CDH4: variants seen among roughly 807,000 people sequenced by gnomAD.
CDH4 encodes the protein cadherin 4.
A neutral mutation model predicts 86.0 loss-of-function variants in CDH4; 33 were observed. The observed-to-expected ratio is 0.38, with a 90% CI of 0.29 to 0.51. The LOEUF is 0.51. CDH4 is among the 20% of genes least tolerant of loss of function. The probability of loss-of-function intolerance (pLI) is 0.86; values close to 1 mark genes in which losing one functional copy is unlikely to be tolerated. For synonymous variants in CDH4, 555 were observed against 549.4 expected (o/e 1.01, Z -0.14); for missense variants, 1,114 against 1,307.4 (o/e 0.85, Z 2.28).
chr20:61,504,771 C>G (rs1477391388), intron 2 of CDH4, among the ~76,000 whole-genome samples: 2 of 152,214 alleles, frequency 1.3e-5, no homozygotes, highest in Admixed American at 1.3e-4. Context: ...TACATGGACT[C>G]TTTCCTGATG....
chr20:61,447,323 A>AT (rs71331923), intron 2 of CDH4, among the ~76,000 whole-genome samples: 22,640 of 110,940 alleles, frequency 0.2, 2,620 homozygotes, highest in East Asian at 0.45. Flanking sequence ...CGCCCAGCTG[A>AT]TTTTTTTTTT....
At chr20:61,386,320 CCA>C in intron 2 of CDH4, among the ~76,000 whole-genome samples, 1 of 152,104 alleles carries the variant, frequency 6.6e-6, no homozygotes, top group Non-Finnish European at 1.5e-5. Context: ...ACAGTGCTGC[CCA>C]GGATGACACC....
At chr20:61,798,575 T>C (rs1600999840) in intron 4 of CDH4, among the ~76,000 whole-genome samples, 1 of 152,318 alleles carries the variant, frequency 6.6e-6, no homozygotes, top group East Asian at 1.9e-4. Flanking sequence ...ACCTGAGTGT[T>C]AGACTGGCCA....
At chr20:61,470,961 C>T (rs2085498633) in intron 2 of CDH4, among the ~76,000 whole-genome samples, 2 of 151,984 alleles carry the variant, frequency 1.3e-5, no homozygotes, top group African/African-American at 4.8e-5. Context: ...AGGATTTTTG[C>T]ATTAATATTC....
At chr20:61,464,123 G>T (rs920648254) in intron 2 of CDH4, among the ~76,000 whole-genome samples, 1 of 152,148 alleles carries the variant, frequency 6.6e-6, no homozygotes, top group South Asian at 2.1e-4. Flanking sequence ...AAACTTGTTG[G>T]TTTGCAATGT....
chr20:61,786,336 C>T (rs185444837), intron 4 of CDH4, among the ~76,000 whole-genome samples: 32 of 152,244 alleles, frequency 2.1e-4, no homozygotes, highest in Non-Finnish European at 3.2e-4. Context: ...AAGATGAACA[C>T]GATCGCCCTG....
intron 4 of CDH4, among the ~76,000 whole-genome samples, chr20:61,823,432 G>A (rs1174405427): frequency 2.0e-5 from 3 of 151,800 alleles, no homozygotes; most frequent in Admixed American, 6.6e-5. Context: ...GATGATGGTG[G>A]TAGAGGAAGA....
intron 3 of CDH4, among the ~76,000 whole-genome samples, chr20:61,744,561 T>G (rs1347063961): frequency 2.0e-3 from 152 of 76,314 alleles, no homozygotes; most frequent in Middle Eastern, 6.3e-3. Flanking sequence ...TGGAGAGAGG[T>G]GGAGGGAGAG....
intron 2 of CDH4, among the ~76,000 whole-genome samples, chr20:61,390,705 ACC>A (rs2084980024): frequency 1.1e-5 from 1 of 92,948 alleles, no homozygotes. Flanking sequence ...TGCCCATAGC[ACC>A]GTGTCTGGGA....
intron 2 of CDH4, among the ~76,000 whole-genome samples, chr20:61,682,830 A>G (rs1280233678): frequency 2.0e-5 from 3 of 151,966 alleles, no homozygotes; most frequent in Non-Finnish European, 2.9e-5. Flanking sequence ...GGTTTATGGC[A>G]TTTGTTATGG....
chr20:61,883,602 G>T (rs1206651364), intron 7 of CDH4, among the ~76,000 whole-genome samples: 1 of 152,224 alleles, frequency 6.6e-6, no homozygotes, highest in African/African-American at 2.4e-5. Context: ...GGAACTTATG[G>T]CTCAGAAACC....
At chr20:61,904,734 A>T (rs1013654666) in intron 8 of CDH4, among the ~76,000 whole-genome samples, 5 of 152,116 alleles carry the variant, frequency 3.3e-5, no homozygotes, top group African/African-American at 9.7e-5. Context: ...ACTGCCTCCC[A>T]CGTGGCCGCT....
At chr20:61,723,033 G>A (rs549902610) in intron 2 of CDH4, among the ~76,000 whole-genome samples, 11 of 152,294 alleles carry the variant, frequency 7.2e-5, no homozygotes, top group South Asian at 2.1e-4. Flanking sequence ...GGAAGAGGAC[G>A]CTGTAGAAGA....
At chr20:61,875,448 C>T (rs144349896) in intron 7 of CDH4, among the ~76,000 whole-genome samples, 4 of 152,170 alleles carry the variant, frequency 2.6e-5, no homozygotes, top group Non-Finnish European at 4.4e-5. Flanking sequence ...CAGCCCCAGC[C>T]GTGGCACCTT....
chr20:61,504,855 G>A (rs772563096), intron 2 of CDH4, among the ~76,000 whole-genome samples: 1 of 152,188 alleles, frequency 6.6e-6, no homozygotes, highest in Non-Finnish European at 1.5e-5. Context: ...TTCCATACCC[G>A]TACACGCGTC....
chr20:61,484,790 G>A (rs1395243643), intron 2 of CDH4, among the ~76,000 whole-genome samples: 1 of 152,168 alleles, frequency 6.6e-6, no homozygotes, highest in Non-Finnish European at 1.5e-5. Flanking sequence ...GCCCAGCCAG[G>A]ATTTGAACCC....
intron 2 of CDH4, among the ~76,000 whole-genome samples, chr20:61,729,828 C>T (rs950857367): frequency 2.0e-5 from 3 of 152,100 alleles, no homozygotes; most frequent in Non-Finnish European, 4.4e-5. Context: ...AGAAGAAAAG[C>T]CAGAGGGAGA....
chr20:61,310,712 A>G (rs1322912519), intron 2 of CDH4, among the ~76,000 whole-genome samples: 1 of 152,104 alleles, frequency 6.6e-6, no homozygotes, highest in Non-Finnish European at 1.5e-5. Context: ...GGGGGCTGGA[A>G]GTCTGGGATG....
At chr20:61,526,189 T>G (rs2085909009) in intron 2 of CDH4, among the ~76,000 whole-genome samples, 1 of 151,286 alleles carries the variant, frequency 6.6e-6, no homozygotes, top group South Asian at 2.1e-4. Flanking sequence ...CCCGGGTGGT[T>G]CTGTCCAGCA....
Sources: allele counts gnomAD v4.1 joint callset (sites outside exome capture counted in the v4.1 genomes callset), GRCh38; gene constraint gnomAD v4.1.1; transcripts MANE v1.5; gene names NCBI Gene and HGNC (gene_info 2026-07-23, HGNC 2026-07-21).